CNTNAP2: variants seen among roughly 807,000 people sequenced by gnomAD.
CNTNAP2 encodes contactin-associated protein-like 2.
Under a neutral mutation model 155.2 loss-of-function variants are expected in CNTNAP2, and 98 were observed. The observed-to-expected ratio is 0.63, with a 90% CI of 0.54 to 0.75. CNTNAP2 has a LOEUF of 0.75. CNTNAP2 is among the 30% of genes least tolerant of loss of function. CNTNAP2 has a pLI of 0.00. For missense variants in CNTNAP2, 1,727 were observed against 1,688.1 expected (o/e 1.02, Z -0.40); for synonymous variants, 651 against 631.2 (o/e 1.03, Z -0.47).
intron 1 of CNTNAP2, among the ~76,000 whole-genome samples, chr7:146,673,442 A>G (rs1221234316): frequency 6.6e-6 from 1 of 152,216 alleles, no homozygotes; most frequent in Non-Finnish European, 1.5e-5. Context: ...TTTAGCCTAA[A>G]GATGCTGTCT....
chr7:148,297,560 T>C (rs1034974019), intron 21 of CNTNAP2, among the ~76,000 whole-genome samples: 7 of 152,150 alleles, frequency 4.6e-5, no homozygotes, highest in African/African-American at 1.7e-4. Context: ...TAGAAAGTGC[T>C]ATTCGGTTTT....
rs369906386 is a variant in CNTNAP2, at chr7:147,489,512, A to G, written c.1777+3471A>G. On this transcript the variant is annotated intron_variant, in intron 11 of 23. Transcript: ENST00000361727. ...TCCTTTAAGATCTGAATAGTAGCAT[A>G]TCTGAACACCAAACCATGACAAAGG... 1.1e-4 allele frequency among the ~76,000 whole-genome samples: 17 copies of G among 152,364 alleles called. No homozygotes were observed. In the East Asian group the frequency reaches 2.5e-3, roughly 22 times the overall value.
At chr7:147,114,665 A>T (rs1293794535) in intron 5 of CNTNAP2, among the ~76,000 whole-genome samples, 1 of 152,130 alleles carries the variant, frequency 6.6e-6, no homozygotes, top group African/African-American at 2.4e-5. Context: ...TTTGCTTGGT[A>T]CATTTTTCTC....
At chr7:147,108,745 C>A (rs1402275574) in intron 5 of CNTNAP2, among the ~76,000 whole-genome samples, 4 of 151,988 alleles carry the variant, frequency 2.6e-5, no homozygotes, top group African/African-American at 9.7e-5. Flanking sequence ...GATAAAGGGA[C>A]TAGGTTAATA....
chr7:147,040,575 C>T (rs1016652044), intron 3 of CNTNAP2, among the ~76,000 whole-genome samples: 3 of 150,274 alleles, frequency 2.0e-5, no homozygotes, highest in Admixed American at 6.7e-5. Context: ...ATTCTCCTGC[C>T]TCAGCCTTCC....
chr7:146,138,838 C>T (rs942000821), intron 1 of CNTNAP2, among the ~76,000 whole-genome samples: 1 of 152,070 alleles, frequency 6.6e-6, no homozygotes, highest in South Asian at 2.1e-4. Flanking sequence ...ATATTCTATG[C>T]TTTCTTAACC....
chr7:148,383,956 A>T, intron 22 of CNTNAP2, 68 bp downstream of exon 22: 1 of 1,549,212 alleles, frequency 6.5e-7, no homozygotes. Context: ...GGGACTATGG[A>T]ATGGATTTAA....
chr7:146,490,958 G>GA (rs1173769958), intron 1 of CNTNAP2, among the ~76,000 whole-genome samples: 1 of 151,964 alleles, frequency 6.6e-6, no homozygotes, highest in Non-Finnish European at 1.5e-5. Context: ...TATACCAATG[G>GA]AAAAATATGC....
rs1052127018 is a variant in CNTNAP2, at chr7:146,474,066, T to C, written c.98-300205T>C. Among the ~76,000 whole-genome samples the C allele has an allele frequency of 4.7e-4, 72 of 152,096 alleles. 2 individuals carry two copies. Among genetic ancestry groups the C allele is most frequent in the Non-Finnish European group, 1.3e-4 (9 of 68,012 alleles). On this transcript the variant is annotated intron_variant, in intron 1 of 23. Coordinates refer to ENST00000361727, the MANE Select transcript of CNTNAP2 (RefSeq NM_014141.6). ...TCTCTACTCTCTAAAGAGGCCTAGGTTGGAATGGACTCTCCATGATTGGGA... is the reference window on the plus strand; with the variant it reads ...TCTCTACTCTCTAAAGAGGCCTAGGCTGGAATGGACTCTCCATGATTGGGA...
At chr7:146,905,225 A>G (rs938510383) in intron 3 of CNTNAP2, among the ~76,000 whole-genome samples, 2 of 151,988 alleles carry the variant, frequency 1.3e-5, no homozygotes, top group Non-Finnish European at 2.9e-5. Flanking sequence ...CCTCTGGCCT[A>G]GAAGATCTTG....
chr7:146,923,081 C>T (rs1181803394), intron 3 of CNTNAP2, among the ~76,000 whole-genome samples: 2 of 152,128 alleles, frequency 1.3e-5, no homozygotes, highest in African/African-American at 4.8e-5. Flanking sequence ...AGCCTTGACT[C>T]TTTTGGCTGG....
At chr7:146,790,509 G>C (rs541785676) in intron 2 of CNTNAP2, among the ~76,000 whole-genome samples, 2 of 152,078 alleles carry the variant, frequency 1.3e-5, no homozygotes, top group African/African-American at 4.8e-5. Context: ...ATGTTTATTG[G>C]ATACGTCCAA....
chr7:148,111,623 T>C (rs1011062360), intron 15 of CNTNAP2, among the ~76,000 whole-genome samples: 2 of 151,626 alleles, frequency 1.3e-5, no homozygotes, highest in Non-Finnish European at 2.9e-5. Flanking sequence ...GGGAGAAAAA[T>C]CTATATCAAG....
intron 13 of CNTNAP2, among the ~76,000 whole-genome samples, chr7:147,700,336 C>T (rs990671899): frequency 1.3e-5 from 2 of 152,144 alleles, no homozygotes; most frequent in African/African-American, 4.8e-5. Context: ...CACCAGTGCA[C>T]TGTTCCAGGA....
At chr7:146,123,648 T>C (rs1400933277) in intron 1 of CNTNAP2, among the ~76,000 whole-genome samples, 1 of 152,162 alleles carries the variant, frequency 6.6e-6, no homozygotes, top group African/African-American at 2.4e-5. Context: ...TTTACTGTTA[T>C]AATGTCATCT....
rs573831375 is a variant in CNTNAP2 at position 148,279,694 on chromosome 7, G to A, written c.3475+12568G>A. On this transcript the variant is annotated intron_variant, in intron 21 of 23. Coordinates refer to ENST00000361727, the MANE Select transcript of CNTNAP2 (RefSeq NM_014141.6). ...TCTTGGCTTGACTAGGACATTGATC[G>A]TTACTGGGAAAGGCAAAAAAGAAAA... Among the ~76,000 whole-genome samples, 8 of 152,126 alleles carry A rather than the reference G, an allele frequency of 5.3e-5. No individual in the cohort carries two copies. In the South Asian group the frequency reaches 6.2e-4, roughly 12 times the overall value.
chr7:146,804,357 C>T (rs1450868337), intron 2 of CNTNAP2, among the ~76,000 whole-genome samples: 2 of 152,082 alleles, frequency 1.3e-5, no homozygotes, highest in East Asian at 3.9e-4. Context: ...CATCAGGATT[C>T]CAAATCATTT....
At chr7:147,369,576 A>G (rs1796307770) in intron 9 of CNTNAP2, among the ~76,000 whole-genome samples, 1 of 152,182 alleles carries the variant, frequency 6.6e-6, no homozygotes, top group Admixed American at 6.5e-5. Context: ...GGGCCTAATA[A>G]ATATTCTCAG....
At chr7:147,541,697 T>C (rs1169372161) in intron 11 of CNTNAP2, among the ~76,000 whole-genome samples, 1 of 152,178 alleles carries the variant, frequency 6.6e-6, no homozygotes, top group Non-Finnish European at 1.5e-5. Flanking sequence ...CTCAATATAT[T>C]TCTATTTGAT....
Sources: allele counts gnomAD v4.1 joint callset (sites outside exome capture counted in the v4.1 genomes callset), GRCh38; gene constraint gnomAD v4.1.1; transcripts MANE v1.5; gene names NCBI Gene and HGNC (gene_info 2026-07-23, HGNC 2026-07-21).